The following DMD variants were observed in gnomAD, a reference collection of about 807,000 sequenced individuals.
The protein encoded by DMD is mutant dystrophin.
In DMD, 63 loss-of-function variants were observed where a neutral mutation model predicts 330.1. That is an observed-to-expected ratio of 0.19 (90% CI 0.16 to 0.24). The LOEUF (loss-of-function observed/expected upper bound fraction) is 0.24, where lower values mean the gene tolerates loss of function less well. Among genes scored for constraint, DMD ranks in the 10% least tolerant of loss-of-function variants. The probability of loss-of-function intolerance (pLI) is 1.00; values close to 1 mark genes in which losing one functional copy is unlikely to be tolerated. For synonymous variants in DMD, 1,223 were observed against 959.8 expected, an observed-to-expected ratio of 1.27 and a Z score of -5.07; for missense variants, 3,344 against 2,684.1, an observed-to-expected ratio of 1.25 and a Z score of -5.43.
At chrX:31,199,752 T>C (rs1461264036) in intron 67 of DMD, among the ~76,000 whole-genome samples, 2 of 112,098 alleles carry the variant, frequency 1.8e-5, no homozygotes, top group Non-Finnish European at 3.8e-5. Flanking sequence ...AAATCAAATC[T>C]GCAATGCAAG....
chrX:33,227,661 G>A (rs935925548), intron 1 of DMD, among the ~76,000 whole-genome samples: 1 of 110,186 alleles, frequency 9.1e-6, no homozygotes, highest in African/African-American at 3.3e-5. Context: ...GCTTTGAGAG[G>A]ATTTATGTAG....
chrX:33,124,310 T>C (rs2095444514), intron 1 of DMD, among the ~76,000 whole-genome samples: 1 of 108,257 alleles, frequency 9.2e-6, no homozygotes. Flanking sequence ...ACCTCGGCTC[T>C]ACTAAAAATA....
intron 9 of DMD, among the ~76,000 whole-genome samples, chrX:32,663,972 C>T (rs2061118606): frequency 9.0e-6 from 1 of 111,081 alleles, no homozygotes; most frequent in South Asian, 3.8e-4. Flanking sequence ...TGTGCATGGG[C>T]TTATAAAACA....
chrX:31,924,799 G>C (rs1448758300), intron 47 of DMD, among the ~76,000 whole-genome samples: 2 of 111,390 alleles, frequency 1.8e-5, no homozygotes, highest in African/African-American at 6.5e-5. Context: ...ATTTTATACT[G>C]TCTGGGCAGT....
intron 22 of DMD, among the ~76,000 whole-genome samples, chrX:32,470,428 G>C (rs1269167462): frequency 9.2e-6 from 1 of 109,247 alleles, no homozygotes; most frequent in Non-Finnish European, 1.9e-5. Flanking sequence ...TTTTATTTTG[G>C]TGTAACTTTG....
rs1047781089 is a variant in DMD at position 31,301,733 on chromosome X, T to C, written c.9224+21865A>G. ...CACCAGATCTCATCTATGTGTGGTTTTGTTTTGTTCTTTTTTTGTTTGTTT... is the reference window on the plus strand; with the variant it reads ...CACCAGATCTCATCTATGTGTGGTTCTGTTTTGTTCTTTTTTTGTTTGTTT... On this transcript the variant is annotated intron_variant, in intron 62 of 78. Transcript: ENST00000357033. Among the ~76,000 whole-genome samples, 3 of 109,864 alleles carry C rather than the reference T, an allele frequency of 2.7e-5. No homozygotes were observed. In the Admixed American group the frequency reaches 2.9e-4, roughly 11 times the overall value.
At chrX:32,587,213 C>G (rs1027043691) in intron 13 of DMD, among the ~76,000 whole-genome samples, 1 of 111,913 alleles carries the variant, frequency 8.9e-6, no homozygotes, top group Non-Finnish European at 1.9e-5. Flanking sequence ...CTACCTTTCA[C>G]AGTATAGCAT....
rs762864592 is a variant in DMD, at chrX:32,544,739, C to G, written c.2168+420G>C. ...TTCTCGTAAACTACCAGGATGGATC[C>G]CATCTATTATAGGTGTACTTCTTCA... On this transcript the variant is annotated intron_variant, in intron 17 of 78. Coordinates refer to ENST00000357033, the MANE Select transcript of DMD (RefSeq NM_004006.3). 5.5e-5 allele frequency among the ~76,000 whole-genome samples: 6 copies of G among 109,313 alleles called. No homozygotes were observed. In the South Asian group the frequency reaches 2.0e-3, roughly 36 times the overall value. 94.9% of individuals were successfully genotyped at this position (109,313 alleles called of 115,157 possible). A position where few individuals can be genotyped will look rare whatever the true frequency, so the allele number is the denominator to read the frequency against.
intron 27 of DMD, among the ~76,000 whole-genome samples, chrX:32,445,278 G>A (rs538698602): frequency 3.6e-5 from 4 of 110,483 alleles, no homozygotes; most frequent in African/African-American, 1.3e-4. Context: ...ATAGAAGAGG[G>A]ACAACAGACT....
At chrX:31,360,217 G>A (rs1213173388) in intron 60 of DMD, among the ~76,000 whole-genome samples, 4 of 111,253 alleles carry the variant, frequency 3.6e-5, no homozygotes, top group Non-Finnish European at 7.5e-5. Flanking sequence ...TCATGGGAAG[G>A]CATTCAAATA....
chrX:31,164,366 A>G (rs2039190720), intron 74 of DMD, among the ~76,000 whole-genome samples: 1 of 111,380 alleles, frequency 9.0e-6, no homozygotes, highest in South Asian at 3.8e-4. Flanking sequence ...TACCTCATTT[A>G]TCACCTTCCA....
At chrX:31,833,359 A>AAGAGAGAGAGAGAGAGAGAG (rs61677647) in intron 49 of DMD, among the ~76,000 whole-genome samples, 1 of 50,468 alleles carries the variant, frequency 2.0e-5, no homozygotes, top group Admixed American at 2.4e-4. Context: ...GAGGGAGGGA[A>AAGAGAGAGAGAGAGAGAGAG]AGAGAGAGAG....
chrX:33,214,168 C>T (rs2052010594), upstream of DMD, among the ~76,000 whole-genome samples: 1 of 107,365 alleles, frequency 9.3e-6, no homozygotes, highest in Non-Finnish European at 1.9e-5. Flanking sequence ...TTACTTTATT[C>T]ACATACTGTG....
intron 7 of DMD, among the ~76,000 whole-genome samples, chrX:32,796,855 A>G (rs536629521): frequency 6.2e-5 from 7 of 112,187 alleles, no homozygotes; most frequent in African/African-American, 2.3e-4. Context: ...AATAAATCCT[A>G]TTGTATGACA....
At chrX:32,363,084 G>C in intron 36 of DMD, 126 bp from the exon 37 acceptor site, 1 of 660,793 alleles carries the variant, frequency 1.5e-6, no homozygotes, top group South Asian at 2.5e-5. Flanking sequence ...GAGAGAGAAA[G>C]TAAGAAAATG....
intron 64 of DMD, among the ~76,000 whole-genome samples, chrX:31,219,841 C>CACACACACACAG (rs1320182187): frequency 2.7e-5 from 3 of 110,519 alleles, no homozygotes; most frequent in Non-Finnish European, 5.7e-5. Context: ...TATACACACA[C>CACACACACACAG]ACACACACAC....
At chrX:32,279,966 C>CACAT (rs1836280863) in intron 43 of DMD, among the ~76,000 whole-genome samples, 1 of 64,330 alleles carries the variant, frequency 1.6e-5, no homozygotes, top group Non-Finnish European at 3.3e-5. Context: ...ATGTGTAACC[C>CACAT]ATATATATAT....
chrX:31,482,236 T>C (rs5971574), intron 57 of DMD, among the ~76,000 whole-genome samples: 4 of 84,961 alleles, frequency 4.7e-5, no homozygotes, highest in African/African-American at 1.9e-4. Flanking sequence ...TGTGTGTGTG[T>C]GGGGGGGGTG....
intron 60 of DMD, among the ~76,000 whole-genome samples, chrX:31,406,659 G>A (rs951480199): frequency 2.7e-5 from 3 of 111,481 alleles, no homozygotes; most frequent in African/African-American, 9.8e-5. Flanking sequence ...CACGAAGTTG[G>A]TTTTTAATTC....
Sources: allele counts gnomAD v4.1 joint callset (sites outside exome capture counted in the v4.1 genomes callset), GRCh38; gene constraint gnomAD v4.1.1; transcripts MANE v1.5; gene names NCBI Gene and HGNC (gene_info 2026-07-23, HGNC 2026-07-21).